Variants in ABCA2 observed in about 807,000 individuals in gnomAD.
ABCA2 encodes ATP-binding cassette sub-family A member 2.
A neutral mutation model predicts 262.8 loss-of-function variants in ABCA2; 84 were observed. The observed-to-expected ratio is 0.32, with a 90% confidence interval of 0.27 to 0.38. The LOEUF is 0.38. Among genes scored for constraint, ABCA2 ranks in the 10% least tolerant of loss-of-function variants. The pLI, the probability that ABCA2 is intolerant of heterozygous loss-of-function variation, is 1.00. For synonymous variants in ABCA2, 1,696 were observed against 1,502.9 expected (o/e 1.13, Z -2.97); for missense variants, 2,662 against 3,405.9 (o/e 0.78, Z 5.44).
chr9:137,009,259 C>T, intron 45 of ABCA2, 111 bp downstream of exon 45: 1 of 999,938 alleles, frequency 1.0e-6, no homozygotes, highest in Non-Finnish European at 1.4e-6. Flanking sequence ...CCCCCAGCCC[C>T]CCTGGCCCCA....
In ABCA2 at chr9:137,023,693, C is replaced by G. The variant is rs1367970599; in HGVS notation, c.163+145G>C. The G allele has an allele frequency of 1.3e-5, 9 of 692,558 alleles. No homozygotes were observed. The Admixed American group carries it at 1.6e-4, about 13-fold the overall frequency. The allele number at this position is 692,558 out of a possible 1,614,324, so 42.9% of individuals were successfully genotyped here. Reference sequence around the variant, plus strand: ...TCCCACTTCACTGCCTGCCACCCCCCATCTGGAGCCAGCTGTTCCTGAGGC... The same window carrying G: ...TCCCACTTCACTGCCTGCCACCCCCGATCTGGAGCCAGCTGTTCCTGAGGC... On this transcript the variant is annotated intron_variant, in intron 3 of 48. Coordinates refer to ENST00000341511, the MANE Select transcript of ABCA2 (RefSeq NM_001606.5).
At position 137,013,261 on chromosome 9, in the gene ABCA2, C is replaced by A. The variant is rs770258119; in HGVS notation, c.4608G>T (p.Pro1536=). ...PQQLVSTFRL[P]SGVGATCVLK... ...GCACGCAGGTGGCACCCACCCCCGACGGCAGCCGGAACGTGCTCACGAGCT... is the reference window on the plus strand; with the variant it reads ...GCACGCAGGTGGCACCCACCCCCGAAGGCAGCCGGAACGTGCTCACGAGCT... The change falls in exon 30 of 49, where the codon CCG becomes CCT. Residue 1536 remains proline, a synonymous_variant. Transcript: ENST00000341511. The A allele has an allele frequency of 6.3e-7, 1 of 1,592,622 alleles. No individual in the cohort carries two copies. Among genetic ancestry groups the A allele is most frequent in the Non-Finnish European group, 8.5e-7 (1 of 1,174,594 alleles).
At chr9:137,023,731 C>G in intron 3 of ABCA2, 107 bp downstream of exon 3, 1 of 710,402 alleles carries the variant, frequency 1.4e-6, no homozygotes, top group Non-Finnish European at 2.6e-6. Flanking sequence ...GCAGGGGGCC[C>G]GGGAGGGCTG....
At chr9:137,028,596 GC>G, upstream of ABCA2, 1 of 976,710 alleles carries the variant, frequency 1.0e-6, no homozygotes, top group Non-Finnish European at 1.3e-6. The surrounding 1 kb of genome is among the most constrained non-coding windows in gnomAD (Gnocchi z 6.9). Flanking sequence ...CTGCAGAGGC[GC>G]CCCAAGCCTT....
upstream of ABCA2, chr9:137,028,253 G>T (rs570844140): frequency 1.5e-5 from 15 of 977,732 alleles, no homozygotes; most frequent in African/African-American, 2.7e-4. The surrounding 1 kb of genome is among the most constrained non-coding windows in gnomAD (Gnocchi z 6.9). Context: ...CGGGGCGCTC[G>T]GGCGTCCGGG....
Position 137,009,418 on chromosome 9 carries a change from A to G in ABCA2, c.6779T>C (p.Val2260Ala). The change falls in exon 45 of 49, where the codon GTG becomes GCG. Residue 2260 changes from valine (V) to alanine (A), a missense_variant. Transcript: ENST00000341511. ...GCCCAGGCACCGCAGGCGACCGTTC[A>G]CCATGATGGCCAGCCGCGTGCACAG... ...EALCTRLAIMVNGRLRCLGSI... is the reference protein window; with the variant it reads ...EALCTRLAIMANGRLRCLGSI... The G allele has an allele frequency of 6.2e-7, 1 of 1,604,182 alleles. No individual in the cohort carries two copies. Among genetic ancestry groups the G allele is most frequent in the Non-Finnish European group, 8.5e-7 (1 of 1,178,338 alleles).
intron 1 of ABCA2, among the ~76,000 whole-genome samples, chr9:137,025,189 G>A (rs934171972): frequency 2.0e-5 from 3 of 152,254 alleles, no homozygotes; most frequent in African/African-American, 7.2e-5. Context: ...ACCAAGGTGA[G>A]CCCTAGTGGG....
chr9:137,017,476 T>A lies in ABCA2; in HGVS notation c.2402+26A>T, dbSNP rs1363918945. 5 of 1,599,082 alleles carry A rather than the reference T, an allele frequency of 3.1e-6. No individual in the cohort carries two copies. In the Admixed American group the frequency reaches 6.7e-5, roughly 21 times the overall value. On this transcript the variant is annotated intron_variant, in intron 17 of 48. Transcript: ENST00000341511. The stretch of plus-strand genomic sequence containing the variant: ...TTGCTGGGCAAGTGCCTGCCCCAGG[T>A]CCCTCCTACCATGGCCCGCGCTCAC...
chr9:137,022,640 G>C, intron 5 of ABCA2, 62 bp downstream of exon 5: 1 of 1,572,840 alleles, frequency 6.4e-7, no homozygotes. Context: ...GTGGGCTTCA[G>C]CCCAGTGACA....
chr9:137,012,968 C>T lies in ABCA2; in HGVS notation c.4867+34G>A, dbSNP rs754524550. ...TGCGGTGAGAAGGACCCCTCACTGC[C>T]CCTGCCCCCCCAGCAGGCCCCCTGA... On this transcript the variant is annotated intron_variant, in intron 30 of 48. Transcript: ENST00000341511. The T allele has an allele frequency of 5.6e-5, 83 of 1,480,098 alleles. No individual in the cohort carries two copies. In the East Asian group the frequency reaches 2.0e-3, roughly 35 times the overall value. 91.7% of individuals were successfully genotyped at this position (1,480,098 alleles called of 1,614,324 possible). A position where few individuals can be genotyped will look rare whatever the true frequency, so the allele number is the denominator to read the frequency against.
Position 137,011,957 on chromosome 9 carries a change from C to T in ABCA2, c.5422G>A (p.Ala1808Thr), listed in dbSNP as rs1831063707. The T allele has an allele frequency of 6.2e-7, 1 of 1,612,676 alleles. No individual in the cohort carries two copies. Among genetic ancestry groups the T allele is most frequent in the Non-Finnish European group, 8.5e-7 (1 of 1,179,966 alleles). ...GCCACGAGGAAGACAACGAAGCTGG[C>T]CGGCACGAAGGACATGGCCACGATG... ...FIIVAMSFVP[A>T]SFVVFLVAEK... Residue 1808 changes from alanine to threonine, a missense_variant, in exon 35 of 49, where the codon GCC becomes ACC. Ala to Thr is a moderately conservative substitution (Grantham distance 58). Transcript: ENST00000341511. The surrounding 1 kb of genome is among the most constrained non-coding windows in gnomAD (Gnocchi z 8.8).
In ABCA2 at chr9:137,017,314, T is replaced by A; in HGVS notation, c.2435A>T (p.Lys812Met). 1 of 1,612,620 alleles carries A rather than the reference T, an allele frequency of 6.2e-7. No individual in the cohort carries two copies. The highest frequency in any genetic ancestry group is 1.1e-5 in the South Asian group (1 of 91,082). ...FLVSVLYSKA[K>M]LASACGGIIY... Reference sequence around the variant, plus strand: ...GATGCCACCGCAGGCCGAGGCCAGCTTGGCCTTGGAGTACAGCACAGACAC... The same window carrying A: ...GATGCCACCGCAGGCCGAGGCCAGCATGGCCTTGGAGTACAGCACAGACAC... The change falls in exon 18 of 49, where the codon AAG becomes ATG. Residue 812 changes from lysine (K) to methionine (M), a missense_variant. Transcript: ENST00000341511.
rs1271568211 is a variant in ABCA2, at chr9:137,013,255, C to G, written c.4614G>C (p.Gly1538=). 3 of 1,594,910 alleles carry G rather than the reference C, an allele frequency of 1.9e-6. No homozygotes were observed. The highest frequency in any genetic ancestry group is 2.6e-6 in the Non-Finnish European group (3 of 1,175,422). The change falls in exon 30 of 49, where the codon GGG becomes GGC. Residue 1538 remains glycine, a synonymous_variant. Coordinates refer to ENST00000341511, the MANE Select transcript of ABCA2 (RefSeq NM_001606.5). ...QLVSTFRLPS[G]VGATCVLKSP... ...ACTTGAGCACGCAGGTGGCACCCAC[C>G]CCCGACGGCAGCCGGAACGTGCTCA... is the stretch of plus-strand genomic sequence containing the variant.
chr9:137,018,052 C>G lies in ABCA2; in HGVS notation c.2017G>C (p.Asp673His). Residue 673 changes from aspartate to histidine, a missense_variant, in exon 15 of 49, where the codon GAC (aspartate) becomes CAC (histidine). Physicochemically the swap from Asp to His is moderately conservative, Grantham distance 81 (BLOSUM62 -1). Around this residue, in one of 12 missense-constraint regions of ABCA2, gnomAD observed 188 missense variants for 343.4 expected, o/e 0.55. Coordinates refer to ENST00000341511, the MANE Select transcript of ABCA2 (RefSeq NM_001606.5). ...IQDMMERAII[D>H]TFVGHDVVEP... ...ACCACATCGTGCCCCACAAAAGTGT[C>G]GATGATGGCGCGCTCCATCATGTCT... 6.2e-7 allele frequency: 1 copy of G among 1,612,610 alleles called. No individual in the cohort carries two copies. The highest frequency in any genetic ancestry group is 8.5e-7 in the Non-Finnish European group (1 of 1,179,920).
At position 137,022,275 on chromosome 9, in the gene ABCA2, G is replaced by A. The variant is rs527664950; in HGVS notation, c.567+76C>T. 352 of 1,492,234 alleles carry A rather than the reference G, an allele frequency of 2.4e-4. 2 individuals carry two copies. In the East Asian group the frequency reaches 8.2e-3, roughly 35 times the overall value. 92.4% of individuals were successfully genotyped at this position (1,492,234 alleles called of 1,614,324 possible). A position where few individuals can be genotyped will look rare whatever the true frequency, so the allele number is the denominator to read the frequency against. Reference sequence around the variant, plus strand: ...GGGCGTGACTCAGGCTGAGCATCCTGAGGATGGCTCAGCAACCAGGGGGCG... The same window carrying A: ...GGGCGTGACTCAGGCTGAGCATCCTAAGGATGGCTCAGCAACCAGGGGGCG... On this transcript the variant is annotated intron_variant, in intron 6 of 48. Coordinates refer to ENST00000341511, the MANE Select transcript of ABCA2 (RefSeq NM_001606.5).
intron 3 of ABCA2, chr9:137,023,519 C>T: frequency 1.3e-6 from 1 of 746,838 alleles, no homozygotes; most frequent in Non-Finnish European, 2.5e-6. Flanking sequence ...CAGCCCCAGC[C>T]CAGGCCAGCC....
In ABCA2 at chr9:137,021,307, G is replaced by T; in HGVS notation, c.897+85C>A. 6.6e-7 allele frequency: 1 copy of T among 1,513,010 alleles called. No homozygotes were observed. The highest frequency in any genetic ancestry group is 8.9e-7 in the Non-Finnish European group (1 of 1,120,300). The allele number at this position is 1,513,010 out of a possible 1,614,324, so 93.7% of individuals were successfully genotyped here. A position where few individuals can be genotyped will look rare whatever the true frequency, so the allele number is the denominator to read the frequency against. On this transcript the variant is annotated intron_variant, in intron 8 of 48. Transcript: ENST00000341511. This position sits in a 1 kb window ranked among gnomAD's most constrained non-coding sequence, Gnocchi z 6.0. The stretch of plus-strand genomic sequence containing the variant: ...TCCCACGCACAGCCTGGGCCCAGGA[G>T]CCCTGAGCTCTCCAAGCGGTCCCAG...
Position 137,019,515 on chromosome 9 carries a change from C to G in ABCA2, c.1426-209G>C. On this transcript the variant is annotated intron_variant, in intron 10 of 48. Transcript: ENST00000341511. This position sits in a 1 kb window ranked among gnomAD's most constrained non-coding sequence, Gnocchi z 4.4. ...CCAGCTCACTGCAGCCTCCACCTCC[C>G]AGGCTCAAGGGATCCTCCCGCCTCA... The G allele has an allele frequency of 5.4e-6, 3 of 554,990 alleles. No individual in the cohort carries two copies. Among genetic ancestry groups the G allele is most frequent in the Non-Finnish European group, 9.3e-6 (3 of 322,468 alleles). 34.4% of individuals were successfully genotyped at this position (554,990 alleles called of 1,614,324 possible). A position where few individuals can be genotyped will look rare whatever the true frequency, so the allele number is the denominator to read the frequency against.
In ABCA2 at chr9:137,015,593, C is replaced by T. The variant is rs538517999; in HGVS notation, c.3518G>A (p.Arg1173His). The change falls in exon 24 of 49, where the codon CGC (arginine) becomes CAC (histidine). Residue 1173 changes from arginine (R) to histidine (H), a missense_variant. Physicochemically the swap from Arg to His is conservative, Grantham distance 29 (BLOSUM62 0). Transcript: ENST00000341511. ...WDLILKYKPG[R>H]TILLSTHHMD... Reference sequence around the variant, plus strand: ...GTGGTGGGTGGACAGAAGGATGGTGCGGCCTAGGACAAGGCCAGACCCAGG... The same window carrying T: ...GTGGTGGGTGGACAGAAGGATGGTGTGGCCTAGGACAAGGCCAGACCCAGG... 26 of 1,612,126 alleles carry T rather than the reference C, an allele frequency of 1.6e-5. No individual in the cohort carries two copies. Among genetic ancestry groups the T allele is most frequent in the South Asian group, 4.4e-5 (4 of 91,072 alleles).
Sources: allele counts gnomAD v4.1 joint callset (sites outside exome capture counted in the v4.1 genomes callset), GRCh38; gene constraint gnomAD v4.1.1; regional missense constraint gnomAD v4.1.1; non-coding constraint Gnocchi (gnomAD v3.1); transcripts MANE v1.5; gene names NCBI Gene and HGNC (gene_info 2026-07-23, HGNC 2026-07-21).